DMD: variants seen among roughly 807,000 people sequenced by gnomAD.
The protein encoded by DMD is dystrophin, also known as mutant dystrophin.
Under a neutral mutation model 330.1 loss-of-function variants are expected in DMD, and 63 were observed. The observed-to-expected ratio is 0.19, with a 90% CI of 0.16 to 0.24. DMD has a LOEUF of 0.24. Among genes scored for constraint, DMD ranks in the 10% least tolerant of loss-of-function variants. The probability of loss-of-function intolerance (pLI) is 1.00; values close to 1 mark genes in which losing one functional copy is unlikely to be tolerated. For synonymous variants in DMD, 1,223 were observed against 959.8 expected, an observed-to-expected ratio of 1.27 and a Z score of -5.07; for missense variants, 3,344 against 2,684.1, an observed-to-expected ratio of 1.25 and a Z score of -5.43.
At chrX:32,643,877 T>C (rs189226314) in intron 11 of DMD, among the ~76,000 whole-genome samples, 1 of 112,114 alleles carries the variant, frequency 8.9e-6, no homozygotes, top group Non-Finnish European at 1.9e-5. Context: ...AAATAATAAC[T>C]ATGACAGAAT....
intron 1 of DMD, among the ~76,000 whole-genome samples, chrX:33,149,992 A>C (rs191145765): frequency 1.8e-5 from 2 of 111,986 alleles, no homozygotes; most frequent in Non-Finnish European, 3.8e-5. Flanking sequence ...ATTCCTGCTC[A>C]TGTAATGATC....
At chrX:32,587,770 C>T (rs187337994) in intron 13 of DMD, among the ~76,000 whole-genome samples, 2 of 111,540 alleles carry the variant, frequency 1.8e-5, no homozygotes, top group East Asian at 5.6e-4. Context: ...CAGCTCTTAT[C>T]GCATTGTAAG....
At chrX:33,197,078 A>C (rs2050983419) in intron 1 of DMD, among the ~76,000 whole-genome samples, 1 of 111,431 alleles carries the variant, frequency 9.0e-6, no homozygotes. Context: ...CATATAATAG[A>C]AATGGATTGC....
chrX:32,005,239 C>A (rs965439042), intron 44 of DMD, among the ~76,000 whole-genome samples: 1 of 111,677 alleles, frequency 9.0e-6, no homozygotes. Flanking sequence ...GGGTCTCTTG[C>A]AACAGCAAGG....
intron 9 of DMD, among the ~76,000 whole-genome samples, chrX:32,690,847 G>A (rs1237857909): frequency 1.8e-5 from 2 of 111,114 alleles, no homozygotes; most frequent in South Asian, 3.7e-4. Flanking sequence ...AACTCCAAAC[G>A]GATAAAATAT....
chrX:32,877,125 G>A lies in DMD; in HGVS notation c.94-27305C>T, dbSNP rs1283736841. On this transcript the variant is annotated intron_variant, in intron 2 of 78. Coordinates refer to ENST00000357033, the MANE Select transcript of DMD (RefSeq NM_004006.3). ...TTCTGATGCAGAATCAGTCTTAAGA[G>A]GTTTCTGCAGCTAGATGTAAACAAA... is the stretch of plus-strand genomic sequence containing the variant. Among the ~76,000 whole-genome samples, 18 of 111,770 alleles carry A rather than the reference G, an allele frequency of 1.6e-4. No individual in the cohort carries two copies. The Admixed American group carries it at 1.7e-3, about 11-fold the overall frequency.
intron 2 of DMD, among the ~76,000 whole-genome samples, chrX:32,975,290 G>C (rs2092507866): frequency 1.0e-5 from 1 of 99,529 alleles, no homozygotes; most frequent in African/African-American, 3.7e-5. Context: ...AATTTAAAAA[G>C]CATAGTAACC....
intron 1 of DMD, among the ~76,000 whole-genome samples, chrX:33,277,339 A>G (rs2053250993): frequency 1.8e-5 from 2 of 111,691 alleles, no homozygotes; most frequent in Admixed American, 1.9e-4. Context: ...TTTGGACCAA[A>G]ATAGAGATGA....
intron 44 of DMD, among the ~76,000 whole-genome samples, chrX:32,109,798 T>C (rs2096581147): frequency 8.9e-6 from 1 of 111,836 alleles, no homozygotes; most frequent in South Asian, 3.7e-4. Context: ...ATTTTTCTAT[T>C]ATATTTTGAT....
chrX:31,416,766 A>C (rs929637784), intron 60 of DMD, among the ~76,000 whole-genome samples: 1 of 112,102 alleles, frequency 8.9e-6, no homozygotes, highest in African/African-American at 3.2e-5. Context: ...ATTTCCCAAA[A>C]AGAACCTAAT....
chrX:32,761,111 G>A (rs2072227725), intron 7 of DMD, among the ~76,000 whole-genome samples: 1 of 111,791 alleles, frequency 8.9e-6, no homozygotes, highest in South Asian at 3.7e-4. Flanking sequence ...TGTCCAAGAT[G>A]TTTACAAGTG....
intron 47 of DMD, among the ~76,000 whole-genome samples, chrX:31,892,140 A>G (rs1230914350): frequency 1.8e-5 from 2 of 112,311 alleles, no homozygotes; most frequent in African/African-American, 3.2e-5. Context: ...AGTGGTAGAC[A>G]TTTAGCAATA....
At chrX:31,910,263 T>C (rs187500692) in intron 47 of DMD, among the ~76,000 whole-genome samples, 2 of 109,843 alleles carry the variant, frequency 1.8e-5, no homozygotes, top group African/African-American at 6.5e-5. Context: ...AGTGAACATG[T>C]ATTAATCCTT....
chrX:31,652,103 T>A (rs1170711126), intron 54 of DMD, among the ~76,000 whole-genome samples: 1 of 112,224 alleles, frequency 8.9e-6, no homozygotes, highest in Admixed American at 9.5e-5. Flanking sequence ...ATGCCAAGAA[T>A]ATTCCTGCTT....
intron 71 of DMD, among the ~76,000 whole-genome samples, chrX:31,174,286 T>C (rs1223377518): frequency 8.9e-6 from 1 of 111,916 alleles, no homozygotes; most frequent in African/African-American, 3.2e-5. Context: ...TTAGAGATAC[T>C]GTGTGCTAAA....
chrX:31,488,470 T>TA (rs2068992852), intron 57 of DMD, among the ~76,000 whole-genome samples: 1 of 111,994 alleles, frequency 8.9e-6, no homozygotes, highest in African/African-American at 3.3e-5. Context: ...TCTATCAACA[T>TA]AATCCAAAAA....
chrX:31,314,432 G>C (rs1841747173), intron 62 of DMD, among the ~76,000 whole-genome samples: 1 of 111,813 alleles, frequency 8.9e-6, no homozygotes, highest in Non-Finnish European at 1.9e-5. Context: ...ATGGCTTTGG[G>C]GACCAAGATG....
intron 67 of DMD, among the ~76,000 whole-genome samples, chrX:31,189,290 C>T (rs2042090715): frequency 9.0e-6 from 1 of 111,399 alleles, no homozygotes; most frequent in African/African-American, 3.3e-5. Context: ...TTAGTACAGT[C>T]ATCCCTCAGT....
At chrX:31,821,094 GTTTCCACATTTTT>G (rs201929203) in intron 49 of DMD, among the ~76,000 whole-genome samples, 2,778 of 112,364 alleles carry the variant, frequency 0.025, 45 homozygotes, top group Middle Eastern at 0.047. Flanking sequence ...ATTTAGTGAG[GTTTCCACATTTTT>G]TTTCCTTTCT....
Sources: gnomAD v4.1 joint callset for allele counts (sites outside exome capture counted in the v4.1 genomes callset) on GRCh38, gnomAD v4.1.1 for gene constraint, MANE v1.5 for transcripts, NCBI Gene and HGNC (gene_info 2026-07-23, HGNC 2026-07-21) for gene names.